The following PRKCZ variants were observed in gnomAD, a reference collection of about 807,000 sequenced individuals.
The protein encoded by PRKCZ is protein kinase C zeta type.
PRKCZ carries 33 observed loss-of-function variants against 79.5 expected under a neutral mutation model. The ratio of observed to expected loss-of-function variants is 0.41; its 90% CI spans 0.31 to 0.55. The LOEUF (loss-of-function observed/expected upper bound fraction) is 0.55. Among genes scored for constraint, PRKCZ ranks in the 20% least tolerant of loss-of-function variants. PRKCZ has a pLI of 0.19. For missense variants in PRKCZ, 578 were observed against 813.5 expected (o/e 0.71, Z 3.52); for synonymous variants, 342 against 320.9 (o/e 1.07, Z -0.70).
At chr1:2,155,398 T>G (rs1264452294) in intron 9 of PRKCZ, among the ~76,000 whole-genome samples, 1 of 151,756 alleles carries the variant, frequency 6.6e-6, no homozygotes, top group Non-Finnish European at 1.5e-5. Context: ...GAGATGGTGA[T>G]GACGGTGATG....
At chr1:2,098,997 A>G (rs1667004854) in intron 4 of PRKCZ, among the ~76,000 whole-genome samples, 1 of 151,990 alleles carries the variant, frequency 6.6e-6, no homozygotes, top group Non-Finnish European at 1.5e-5. Context: ...TGATGTTTTT[A>G]CTGCTCTGGG....
intron 4 of PRKCZ, among the ~76,000 whole-genome samples, chr1:2,113,263 C>T (rs553416481): frequency 1.1e-4 from 17 of 152,250 alleles, no homozygotes; most frequent in South Asian, 1.0e-3. Flanking sequence ...GCAGCCGCCC[C>T]GTTTCCTCCC....
intron 16 of PRKCZ, among the ~76,000 whole-genome samples, chr1:2,179,772 G>A (rs945402999): frequency 6.6e-6 from 1 of 152,170 alleles, no homozygotes; most frequent in East Asian, 1.9e-4. Context: ...CCAGGGAGGA[G>A]CAAGGACTCT....
chr1:2,096,225 G>C (rs556471973), intron 4 of PRKCZ, among the ~76,000 whole-genome samples: 2 of 152,022 alleles, frequency 1.3e-5, no homozygotes, highest in Non-Finnish European at 2.9e-5. Context: ...TCATCCCTCC[G>C]ATCGGGCAGG....
intron 5 of PRKCZ, among the ~76,000 whole-genome samples, chr1:2,138,506 G>A (rs1019129137): frequency 6.6e-6 from 1 of 152,206 alleles, no homozygotes; most frequent in Non-Finnish European, 1.5e-5. Context: ...ACTTCTTGCA[G>A]AGGAGGGAAG....
rs775616525 is a variant in PRKCZ at position 2,184,633 on chromosome 1, C to G, written c.1626C>G (p.Asp542Glu). Reference sequence around the variant, plus strand: ...CATTCCAGCCACAGATCACAGACGACTACGGTCTGGACAACTTTGACACAC... The same window carrying G: ...CATTCCAGCCACAGATCACAGACGAGTACGGTCTGGACAACTTTGACACAC... Reference protein sequence around the residue: ...LPPFQPQITDDYGLDNFDTQF... With the variant: ...LPPFQPQITDEYGLDNFDTQF... The change falls in exon 17 of 18, where the codon GAC (aspartate) becomes GAG (glutamate). Residue 542 changes from aspartate to glutamate, a missense_variant. Around this residue, in one of 4 missense-constraint regions of PRKCZ, gnomAD observed 243 missense variants for 467.0 expected, o/e 0.52. Transcript: ENST00000378567. 6.2e-7 allele frequency: 1 copy of G among 1,614,130 alleles called. No homozygotes were observed. The highest frequency in any genetic ancestry group is 1.1e-5 in the South Asian group (1 of 91,076).
In PRKCZ at chr1:2,127,866, C is replaced by T. The variant is rs574053531; in HGVS notation, c.335-7396C>T. 7.2e-5 allele frequency among the ~76,000 whole-genome samples: 11 copies of T among 152,350 alleles called. No individual in the cohort carries two copies. The South Asian group carries it at 1.7e-3, about 23-fold the overall frequency. On this transcript the variant is annotated intron_variant, in intron 4 of 17. Coordinates refer to ENST00000378567, the MANE Select transcript of PRKCZ (RefSeq NM_002744.6). This position sits in a 1 kb window ranked among gnomAD's most constrained non-coding sequence, Gnocchi z 5.1. Reference sequence around the variant, plus strand: ...GGAGTCCCACCCCAAACCCCAAACTCCAGTGTCTGGGCCACGGGCAGCCCT... The same window carrying T: ...GGAGTCCCACCCCAAACCCCAAACTTCAGTGTCTGGGCCACGGGCAGCCCT...
rs988100966 is a variant in PRKCZ, at chr1:2,174,462, C to T, written c.1406-292C>T. Among the ~76,000 whole-genome samples, 3 of 152,240 alleles carry T rather than the reference C, an allele frequency of 2.0e-5. No homozygotes were observed. The highest frequency in any genetic ancestry group is 3.8e-4 in the East Asian group (2 of 5,200). On this transcript the variant is annotated intron_variant, in intron 14 of 17. Coordinates refer to ENST00000378567, the MANE Select transcript of PRKCZ (RefSeq NM_002744.6). This position sits in a 1 kb window ranked among gnomAD's most constrained non-coding sequence, Gnocchi z 6.2. ...GGGAACGCGGCTGTCTCCGCGGTGC[C>T]CTCTGGTGGCCAGCCTGCAGAGGCA... is the stretch of plus-strand genomic sequence containing the variant.
chr1:2,169,298 C>T lies in PRKCZ; in HGVS notation c.975-220C>T, dbSNP rs920337210. On this transcript the variant is annotated intron_variant, in intron 10 of 17. Transcript: ENST00000378567. ...GCCAAGAGTGAAGGCCGGCGAGGCC[C>T]CCGCATGACTCCCTCACCTGCACCC... The T allele has an allele frequency of 2.9e-5, 17 of 592,974 alleles. No individual in the cohort carries two copies. The African/African-American group carries it at 2.9e-4, about 10-fold the overall frequency. The allele number at this position is 592,974 out of a possible 1,614,324, so 36.7% of individuals were successfully genotyped here. A position where few individuals can be genotyped will look rare whatever the true frequency, so the allele number is the denominator to read the frequency against.
intron 4 of PRKCZ, among the ~76,000 whole-genome samples, chr1:2,114,809 G>A (rs539256815): frequency 1.3e-5 from 2 of 152,174 alleles, no homozygotes; most frequent in African/African-American, 2.4e-5. Context: ...AAGCTAAGAT[G>A]CAGCAGGTGG....
At chr1:2,183,959 C>CG (rs1303554551) in intron 16 of PRKCZ, 1 of 152,426 alleles carries the variant, frequency 6.6e-6, no homozygotes, top group Non-Finnish European at 1.5e-5. Context: ...GGCCATGAGT[C>CG]GGGGGAACTG....
chr1:2,155,816 G>C (rs1680924079), intron 9 of PRKCZ, among the ~76,000 whole-genome samples, 179 bp from the exon 10 acceptor site: 1 of 152,094 alleles, frequency 6.6e-6, no homozygotes, highest in African/African-American at 2.4e-5. Flanking sequence ...GGTGGTGGTA[G>C]AGGTGGGGTG....
chr1:2,078,315 C>T (rs1236569630), intron 4 of PRKCZ, among the ~76,000 whole-genome samples: 1 of 152,224 alleles, frequency 6.6e-6, no homozygotes, highest in Non-Finnish European at 1.5e-5. Context: ...GCTTTTCCTC[C>T]AGCCACACAC....
rs150605047 is a variant in PRKCZ at position 2,156,657 on chromosome 1, C to T, written c.974+565C>T. ...TCAATCATGGCCGCACTGGGGGCCA[C>T]AGCTGGCATACTGCACTGGGGAGAT... On this transcript the variant is annotated intron_variant, in intron 10 of 17. Transcript: ENST00000378567. 2.1e-3 allele frequency: 329 copies of T among 155,266 alleles called. 1 individual carries two copies. Among genetic ancestry groups the T allele is most frequent in the South Asian group, 6.6e-3 (34 of 5,132 alleles). 9.6% of individuals were successfully genotyped at this position (155,266 alleles called of 1,614,324 possible).
At chr1:2,135,428 C>T in intron 5 of PRKCZ, 81 bp downstream of exon 5, 1 of 1,308,360 alleles carries the variant, frequency 7.6e-7, no homozygotes, top group Non-Finnish European at 1.1e-6. Context: ...GGAGGCACGT[C>T]CCGCTGAGCC....
Position 2,135,330 on chromosome 1 carries a change from G to A in PRKCZ, c.403G>A (p.Ala135Thr), listed in dbSNP as rs1675962407. 4 of 1,613,016 alleles carry A rather than the reference G, an allele frequency of 2.5e-6. No individual in the cohort carries two copies. The highest frequency in any genetic ancestry group is 3.4e-6 in the Non-Finnish European group (4 of 1,179,546). ...CCGTGCCAACGGCCACCTCTTCCAA[G>A]CCAAGCGCTTTAACAGGGTGAGTGG... ...LYRANGHLFQ[A>T]KRFNRRAYCG... The change falls in exon 5 of 18, where the codon GCC becomes ACC. Residue 135 changes from alanine (A) to threonine (T), a missense_variant. By Grantham distance (58) the Ala-to-Thr change is moderately conservative. Around this residue, in one of 4 missense-constraint regions of PRKCZ, gnomAD observed 228 missense variants for 211.6 expected, o/e 1.08. Coordinates refer to ENST00000378567, the MANE Select transcript of PRKCZ (RefSeq NM_002744.6).
rs200334941 is a variant in PRKCZ, at chr1:2,168,202, C to G, written c.975-1316C>G. Among the ~76,000 whole-genome samples the G allele has an allele frequency of 6.6e-6, 1 of 152,184 alleles. No individual in the cohort carries two copies. Among genetic ancestry groups the G allele is most frequent in the Admixed American group, 6.5e-5 (1 of 15,284 alleles). On this transcript the variant is annotated intron_variant, in intron 10 of 17. Transcript: ENST00000378567. This position sits in a 1 kb window ranked among gnomAD's most constrained non-coding sequence, Gnocchi z 4.7. ...CCACAGGGTCTCTGTTAGCAACTCC[C>G]TCTGCCACGGTGGCTGGAAAGCAGA...
chr1:2,087,974 C>G (rs1205004098), intron 4 of PRKCZ, among the ~76,000 whole-genome samples: 1 of 152,346 alleles, frequency 6.6e-6, no homozygotes, highest in East Asian at 1.9e-4. Context: ...GCTGCTGGTG[C>G]CTGGCGCGTG....
intron 16 of PRKCZ, among the ~76,000 whole-genome samples, chr1:2,181,513 G>A (rs1460716884): frequency 2.6e-5 from 4 of 152,200 alleles, no homozygotes; most frequent in East Asian, 1.9e-4. Flanking sequence ...CGCAGGGGGC[G>A]GCGGTGGGAA....
Sources: allele counts gnomAD v4.1 joint callset (sites outside exome capture counted in the v4.1 genomes callset), GRCh38; gene constraint gnomAD v4.1.1; regional missense constraint gnomAD v4.1.1; non-coding constraint Gnocchi (gnomAD v3.1); transcripts MANE v1.5; gene names NCBI Gene and HGNC (gene_info 2026-07-23, HGNC 2026-07-21).